Variants in GRID2 observed in about 807,000 individuals in gnomAD.
The protein encoded by GRID2 is glutamate ionotropic receptor delta type subunit 2.
A neutral mutation model predicts 114.8 loss-of-function variants in GRID2; 33 were observed. That is an observed-to-expected ratio of 0.29 (90% CI 0.22 to 0.38). The LOEUF (loss-of-function observed/expected upper bound fraction) is 0.38, where lower values mean the gene tolerates loss of function less well. Among genes scored for constraint, GRID2 ranks in the 10% least tolerant of loss-of-function variants. GRID2 has a pLI of 1.00. For missense variants in GRID2, 1,184 were observed against 1,257.7 expected (o/e 0.94, Z 0.89); for synonymous variants, 505 against 449.9 (o/e 1.12, Z -1.55).
intron 2 of GRID2, among the ~76,000 whole-genome samples, chr4:93,008,371 T>C (rs542271927): frequency 6.6e-6 from 1 of 152,242 alleles, no homozygotes; most frequent in South Asian, 2.1e-4. Flanking sequence ...TTGTAAAATG[T>C]ATAGAAACTT....
At chr4:92,441,943 A>G (rs376943434) in intron 1 of GRID2, among the ~76,000 whole-genome samples, 120 of 146,878 alleles carry the variant, frequency 8.2e-4, no homozygotes, top group South Asian at 1.7e-3. Context: ...CAGCCTAATA[A>G]GGGAACTGGG....
At chr4:93,042,299 CTATA>C (rs771214923) in intron 2 of GRID2, among the ~76,000 whole-genome samples, 13,748 of 101,964 alleles carry the variant, frequency 0.13, 817 homozygotes, top group African/African-American at 0.2. Flanking sequence ...CTCTCTCTCT[CTATA>C]TATATATATA....
At chr4:92,456,720 A>G (rs529875788) in intron 1 of GRID2, among the ~76,000 whole-genome samples, 9 of 152,266 alleles carry the variant, frequency 5.9e-5, no homozygotes, top group African/African-American at 2.2e-4. Flanking sequence ...CAATATGTAA[A>G]TTACAGCAAT....
chr4:93,748,849 A>G (rs1272949610), intron 14 of GRID2, among the ~76,000 whole-genome samples: 2 of 152,136 alleles, frequency 1.3e-5, no homozygotes, highest in African/African-American at 2.4e-5. Context: ...GAACAAGCCC[A>G]AAGAAAAACA....
At chr4:92,447,060 C>T (rs990861818) in intron 1 of GRID2, among the ~76,000 whole-genome samples, 1 of 152,136 alleles carries the variant, frequency 6.6e-6, no homozygotes, top group African/African-American at 2.4e-5. Context: ...TTTTTATCCT[C>T]TTTAAAAGTA....
intron 2 of GRID2, among the ~76,000 whole-genome samples, chr4:92,988,076 A>C (rs1430355740): frequency 1.3e-5 from 2 of 152,220 alleles, no homozygotes; most frequent in African/African-American, 4.8e-5. Context: ...TGGCTGTGTC[A>C]CACATTATTC....
chr4:93,444,103 A>G, intron 10 of GRID2, among the ~76,000 whole-genome samples: 1 of 151,982 alleles, frequency 6.6e-6, no homozygotes, highest in East Asian at 1.9e-4. Context: ...GAAATGAAGG[A>G]TAACTGTAAA....
chr4:92,927,799 A>T (rs1294922881), intron 2 of GRID2, among the ~76,000 whole-genome samples: 2 of 151,742 alleles, frequency 1.3e-5, no homozygotes, highest in Non-Finnish European at 2.9e-5. Context: ...AGTAATATTT[A>T]TACAACACTT....
intron 1 of GRID2, among the ~76,000 whole-genome samples, chr4:92,408,768 G>T (rs1048330969): frequency 6.6e-6 from 1 of 151,612 alleles, no homozygotes; most frequent in Non-Finnish European, 1.5e-5. Context: ...TCTTGATTTG[G>T]TTCTCAGCTA....
chr4:92,698,816 G>C (rs1447586060), intron 2 of GRID2, among the ~76,000 whole-genome samples: 1 of 151,998 alleles, frequency 6.6e-6, no homozygotes, highest in Admixed American at 6.6e-5. Flanking sequence ...TTCATCATAA[G>C]CCATGTGTAT....
chr4:92,918,962 C>A (rs1210810787), intron 2 of GRID2, among the ~76,000 whole-genome samples: 1 of 152,166 alleles, frequency 6.6e-6, no homozygotes, highest in Non-Finnish European at 1.5e-5. Flanking sequence ...TAGAATTCAG[C>A]TGTGAATCCC....
chr4:92,661,325 C>T (rs899302315), intron 2 of GRID2, among the ~76,000 whole-genome samples: 2 of 150,770 alleles, frequency 1.3e-5, no homozygotes, highest in Non-Finnish European at 1.5e-5. Context: ...AAAAATCTAA[C>T]ATCTAATGTA....
At chr4:93,045,164 C>T (rs1303837803) in intron 2 of GRID2, among the ~76,000 whole-genome samples, 1 of 152,110 alleles carries the variant, frequency 6.6e-6, no homozygotes, top group Non-Finnish European at 1.5e-5. Context: ...ATGTCTAATT[C>T]TGTTTCATGT....
intron 2 of GRID2, among the ~76,000 whole-genome samples, chr4:92,598,221 G>T (rs1358971747): frequency 6.6e-6 from 1 of 152,066 alleles, no homozygotes; most frequent in Non-Finnish European, 1.5e-5. Context: ...AAAAGAAAAT[G>T]AATCCGCCAG....
At chr4:92,406,923 A>G (rs956896521) in intron 1 of GRID2, among the ~76,000 whole-genome samples, 3 of 151,874 alleles carry the variant, frequency 2.0e-5, no homozygotes, top group Non-Finnish European at 4.4e-5. Flanking sequence ...CCGTTCTCAC[A>G]CTGCTATAAA....
chr4:92,848,941 C>T (rs1207949699), intron 2 of GRID2, among the ~76,000 whole-genome samples: 1 of 151,840 alleles, frequency 6.6e-6, no homozygotes, highest in Non-Finnish European at 1.5e-5. Context: ...AGTAACTAAA[C>T]TCCTGACACC....
chr4:93,369,786 G>A (rs887793582), intron 8 of GRID2, among the ~76,000 whole-genome samples: 1 of 152,128 alleles, frequency 6.6e-6, no homozygotes, highest in African/African-American at 2.4e-5. Flanking sequence ...ACTGTGCCAG[G>A]CTCAAAATTA....
chr4:92,339,871 A>G (rs1212034749), intron 1 of GRID2, among the ~76,000 whole-genome samples: 2 of 152,222 alleles, frequency 1.3e-5, no homozygotes, highest in African/African-American at 2.4e-5. Flanking sequence ...TTGCCAAACC[A>G]ATATGCATAA....
intron 2 of GRID2, among the ~76,000 whole-genome samples, chr4:92,887,479 G>GCACCCCTCTCAAGTGCTTTAAAATGTCT (rs1746453142): frequency 6.6e-6 from 1 of 152,160 alleles, no homozygotes; most frequent in African/African-American, 2.4e-5. Flanking sequence ...AATCATTTGT[G>GCACCCCTCTCAAGTGCTTTAAAATGTCT]TCATGTTCAT....
Sources: allele counts gnomAD v4.1 joint callset (sites outside exome capture counted in the v4.1 genomes callset), GRCh38; gene constraint gnomAD v4.1.1; transcripts MANE v1.5; gene names NCBI Gene and HGNC (gene_info 2026-07-23, HGNC 2026-07-21).